Variants in GCFC2 observed in about 807,000 individuals in gnomAD.
GCFC2 encodes intron Large complex component GCFC2.
A neutral mutation model predicts 99.4 loss-of-function variants in GCFC2; 102 were observed. That is an observed-to-expected ratio of 1.03 (90% CI 0.87 to 1.21). The LOEUF is 1.21. GCFC2 is among the 50% of genes most tolerant of loss of function. The pLI is 0.00. For missense variants in GCFC2, 973 were observed against 920.9 expected, an observed-to-expected ratio of 1.06 and a Z score of -0.73; for synonymous variants, 338 against 316.8, an observed-to-expected ratio of 1.07 and a Z score of -0.71.
chr2:75,712,246 T>TA (rs1334528213), upstream of GCFC2, among the ~76,000 whole-genome samples: 2 of 116,142 alleles, frequency 1.7e-5, no homozygotes, highest in African/African-American at 5.2e-5. Context: ...TCAGGGATTG[T>TA]AAAAACACCA....
At chr2:75,701,811 AT>A in intron 3 of GCFC2, 2 of 930,440 alleles carry the variant, frequency 2.1e-6, no homozygotes, top group Non-Finnish European at 2.6e-6. Context: ...GGTAGAGGAA[AT>A]TTTTTATTAC....
chr2:75,692,396 T>G (rs1680123016), intron 6 of GCFC2, among the ~76,000 whole-genome samples: 1 of 152,076 alleles, frequency 6.6e-6, no homozygotes. Flanking sequence ...CTCATGCCTG[T>G]TATCCCAGCA....
chr2:75,707,148 C>G (rs570305778), intron 1 of GCFC2, among the ~76,000 whole-genome samples: 2 of 152,232 alleles, frequency 1.3e-5, no homozygotes, highest in Admixed American at 1.3e-4. Flanking sequence ...GGGCTGTCAA[C>G]CTAATCCCAG....
chr2:75,672,830 C>T (rs1454906845), intron 13 of GCFC2, among the ~76,000 whole-genome samples: 1 of 152,094 alleles, frequency 6.6e-6, no homozygotes, highest in Non-Finnish European at 1.5e-5. Flanking sequence ...TAACAGTGGA[C>T]GTGTGCTCTT....
Position 75,671,802 on chromosome 2 carries a change from G to A in GCFC2, c.1956+148C>T, listed in dbSNP as rs185239012. 1.5e-3 allele frequency: 548 copies of A among 371,620 alleles called. 2 individuals are homozygous for A. The highest frequency in any genetic ancestry group is 0.01 in the African/African-American group (496 of 48,276). The allele number at this position is 371,620 out of a possible 1,614,324, so 23.0% of individuals were successfully genotyped here. ...ACTATGACTGTTTTTGTGCTACAGC[G>A]GCAGAGTTGAGTAATTCGACAGAGA... On this transcript the variant is annotated intron_variant, in intron 14 of 16. Coordinates refer to ENST00000321027, the MANE Select transcript of GCFC2 (RefSeq NM_003203.5).
intron 4 of GCFC2, among the ~76,000 whole-genome samples, chr2:75,699,716 T>C (rs1200385013): frequency 6.6e-6 from 1 of 150,828 alleles, no homozygotes; most frequent in Admixed American, 6.6e-5. Flanking sequence ...GCTGGGACTA[T>C]AGGCATGCGC....
intron 11 of GCFC2, among the ~76,000 whole-genome samples, chr2:75,681,654 G>A (rs534918388): frequency 6.6e-6 from 1 of 151,794 alleles, no homozygotes; most frequent in African/African-American, 2.4e-5. Context: ...TGGCTTGGTG[G>A]GTCCCACCCC....
rs562638364 is a variant in GCFC2, at chr2:75,709,635, G to A, written c.265+956C>T. 3.9e-5 allele frequency among the ~76,000 whole-genome samples: 6 copies of A among 152,114 alleles called. No homozygotes were observed. In the South Asian group the frequency reaches 1.2e-3, roughly 32 times the overall value. The stretch of plus-strand genomic sequence containing the variant: ...CAAGAGGAATTCTATTCTACAACAC[G>A]GTGACTAAAATTAATAACAATGCAT... On this transcript the variant is annotated intron_variant, in intron 1 of 16. Coordinates refer to ENST00000321027, the MANE Select transcript of GCFC2 (RefSeq NM_003203.5).
upstream of GCFC2, among the ~76,000 whole-genome samples, chr2:75,711,961 C>T (rs561429523): frequency 2.3e-4 from 35 of 152,384 alleles, no homozygotes; most frequent in South Asian, 6.8e-3. Context: ...GGAGTACGAG[C>T]GCACGGCGCC....
In GCFC2 at chr2:75,710,879, C is replaced by T; in HGVS notation, c.-24G>A. 1 of 1,522,936 alleles carries T rather than the reference C, an allele frequency of 6.6e-7. No individual in the cohort carries two copies. Among genetic ancestry groups the T allele is most frequent in the Non-Finnish European group, 8.8e-7 (1 of 1,141,610 alleles). The allele number at this position is 1,522,936 out of a possible 1,614,324, so 94.3% of individuals were successfully genotyped here. ...ATGGCCGAGGCCCGAGCGCCCGGCG[C>T]CCTAGAACCCGCTGAACCGCAAGCC... On this transcript the variant is annotated 5_prime_UTR_variant, in exon 1 of 17. Coordinates refer to ENST00000321027, the MANE Select transcript of GCFC2 (RefSeq NM_003203.5).
chr2:75,675,527 G>C (rs1679293873), intron 12 of GCFC2, among the ~76,000 whole-genome samples: 2 of 152,026 alleles, frequency 1.3e-5, no homozygotes, highest in African/African-American at 4.8e-5. Flanking sequence ...TGGGTCACTT[G>C]AGGCCAGGAG....
intron 1 of GCFC2, among the ~76,000 whole-genome samples, chr2:75,709,620 T>C (rs1681037437): frequency 6.6e-6 from 1 of 152,136 alleles, no homozygotes; most frequent in East Asian, 1.9e-4. Flanking sequence ...CAAGAGGAAT[T>C]CTATTCTACA....
intron 12 of GCFC2, among the ~76,000 whole-genome samples, chr2:75,677,591 A>G (rs781569777): frequency 6.6e-6 from 1 of 152,240 alleles, no homozygotes; most frequent in South Asian, 2.1e-4. Context: ...CCAAATGCCA[A>G]TGTAGTGCTG....
At chr2:75,664,825 A>G (rs768982800) in intron 16 of GCFC2, 42 bp from the exon 17 acceptor site, 1 of 892,220 alleles carries the variant, frequency 1.1e-6, no homozygotes, top group East Asian at 2.4e-5. Context: ...AATGCAATGT[A>G]TGAGGGAACA....
Position 75,662,992 on chromosome 2 carries a change from A to G in GCFC2, c.*1674T>C, listed in dbSNP as rs771822150. 3 of 152,024 alleles carry G rather than the reference A, an allele frequency of 2.0e-5. No homozygotes were observed. Among genetic ancestry groups the G allele is most frequent in the Admixed American group, 6.5e-5 (1 of 15,268 alleles). The allele number at this position is 152,024 out of a possible 1,614,324, so 9.4% of individuals were successfully genotyped here. A position where few individuals can be genotyped will look rare whatever the true frequency, so the allele number is the denominator to read the frequency against. ...AGAAAAGGTCTAAAAGGATAACATT[A>G]AAATGAAAACAGCAGTTATCTCTGG... is the stretch of plus-strand genomic sequence containing the variant. On this transcript the variant is annotated 3_prime_UTR_variant, in exon 17 of 17. Transcript: ENST00000321027.
At chr2:75,688,962 ATAG>A (rs1489326223) in intron 10 of GCFC2, 61 bp downstream of exon 10, 32 of 892,734 alleles carry the variant, frequency 3.6e-5, no homozygotes, top group Non-Finnish European at 5.8e-5. Flanking sequence ...GCCTAACACA[ATAG>A]TAAGGGAATT....
intron 12 of GCFC2, chr2:75,679,693 G>C (rs1434797357): frequency 5.0e-6 from 2 of 398,012 alleles, no homozygotes; most frequent in East Asian, 3.6e-5. Flanking sequence ...TTTGCCAAAA[G>C]AACAAAGGTA....
chr2:75,691,860 T>TAA (rs3841912), intron 7 of GCFC2, 117 bp downstream of exon 7: 120,129 of 467,126 alleles, frequency 0.26, 17,239 homozygotes, highest in South Asian at 0.34. Context: ...AGTTGGTGGG[T>TAA]AAAGGGTTTG....
chr2:75,677,351 T>C (rs1027088917), intron 12 of GCFC2, among the ~76,000 whole-genome samples: 3 of 152,246 alleles, frequency 2.0e-5, no homozygotes, highest in East Asian at 1.9e-4. Context: ...ACTGAAGAAA[T>C]GGAGTGATCC....
Sources: gnomAD v4.1 joint callset for allele counts (sites outside exome capture counted in the v4.1 genomes callset) on GRCh38, gnomAD v4.1.1 for gene constraint, MANE v1.5 for transcripts, NCBI Gene and HGNC (gene_info 2026-07-23, HGNC 2026-07-21) for gene names.